EPHB1: variants seen among roughly 807,000 people sequenced by gnomAD.
EPHB1 encodes the protein ephrin type-B receptor 1.
In EPHB1, 30 loss-of-function variants were observed where a neutral mutation model predicts 94.4. The observed-to-expected ratio is 0.32, with a 90% CI of 0.24 to 0.43. EPHB1 has a LOEUF of 0.43. Among genes scored for constraint, EPHB1 ranks in the 20% least tolerant of loss-of-function variants. The pLI is 1.00. For synonymous variants in EPHB1, 522 were observed against 489.1 expected, an observed-to-expected ratio of 1.07 and a Z score of -0.89; for missense variants, 1,055 against 1,308.3, an observed-to-expected ratio of 0.81 and a Z score of 2.99.
chr3:135,034,703 C>T (rs1936589232), intron 3 of EPHB1, among the ~76,000 whole-genome samples: 1 of 152,238 alleles, frequency 6.6e-6, no homozygotes, highest in Non-Finnish European at 1.5e-5. Context: ...CCTGCCAAGG[C>T]AGCTGTCATG....
At chr3:135,046,637 A>C (rs570441760) in intron 3 of EPHB1, among the ~76,000 whole-genome samples, 100 of 152,316 alleles carry the variant, frequency 6.6e-4, no homozygotes, top group African/African-American at 2.3e-3. Context: ...GAGAAATACA[A>C]ATTCCCCAGT....
rs557020404 is a variant in EPHB1 at position 134,900,099 on chromosome 3, TC to T, written c.59-25716del. On this transcript the variant is annotated intron_variant, in intron 1 of 15. Coordinates refer to ENST00000398015, the MANE Select transcript of EPHB1 (RefSeq NM_004441.5). ...TGCAGTATATACTGAGGCTTTGGAT[TC>T]TTGAGCCTTGGTTTCTCCTTCTATA... 1.4e-4 allele frequency among the ~76,000 whole-genome samples: 21 copies of T among 152,294 alleles called. No homozygotes were observed. In the South Asian group the frequency reaches 4.1e-3, roughly 30 times the overall value.
intron 13 of EPHB1, among the ~76,000 whole-genome samples, chr3:135,244,133 C>T (rs1943863359): frequency 6.6e-6 from 1 of 152,206 alleles, no homozygotes; most frequent in African/African-American, 2.4e-5. Context: ...TCCCAGAGAG[C>T]ACCTGGGGTC....
intron 3 of EPHB1, among the ~76,000 whole-genome samples, chr3:135,056,602 C>T (rs1292204854): frequency 1.3e-5 from 2 of 152,246 alleles, no homozygotes; most frequent in African/African-American, 4.8e-5. Flanking sequence ...CACAACCAGG[C>T]AAATGTTAGA....
chr3:135,143,386 T>G (rs575967238), intron 5 of EPHB1, among the ~76,000 whole-genome samples: 6 of 152,238 alleles, frequency 3.9e-5, no homozygotes, highest in African/African-American at 1.4e-4. Flanking sequence ...TCACAGTGAC[T>G]GCAGGTGCAG....
intron 3 of EPHB1, among the ~76,000 whole-genome samples, chr3:134,988,743 T>C (rs1934693016): frequency 6.6e-6 from 1 of 152,252 alleles, no homozygotes; most frequent in Non-Finnish European, 1.5e-5. Context: ...ATTCTCTTTT[T>C]ATGAAATTCT....
chr3:135,119,570 A>G (rs1425645550), intron 4 of EPHB1, among the ~76,000 whole-genome samples: 1 of 152,028 alleles, frequency 6.6e-6, no homozygotes, highest in Non-Finnish European at 1.5e-5. Context: ...CTCCCACCTC[A>G]GCCTCCTGAG....
chr3:135,117,186 GT>G (rs1939754742), intron 4 of EPHB1, among the ~76,000 whole-genome samples: 1 of 151,720 alleles, frequency 6.6e-6, no homozygotes, highest in Non-Finnish European at 1.5e-5. Context: ...TCTGAATAAT[GT>G]ATGAAGTTAG....
Position 135,085,758 on chromosome 3 carries a change from C to T in EPHB1, c.806-20690C>T, listed in dbSNP as rs369050765. ...GTCTTTCCCAGGTGACTGGCATCCCCTGCCACATGTCCATCTCAGCATATT... is the reference window on the plus strand; with the variant it reads ...GTCTTTCCCAGGTGACTGGCATCCCTTGCCACATGTCCATCTCAGCATATT... On this transcript the variant is annotated intron_variant, in intron 3 of 15. Transcript: ENST00000398015. Among the ~76,000 whole-genome samples, 289 of 152,330 alleles carry T rather than the reference C, an allele frequency of 1.9e-3. 4 individuals are homozygous for T. Among genetic ancestry groups the T allele is most frequent in the African/African-American group, 6.7e-3 (280 of 41,588 alleles).
chr3:135,229,578 C>G (rs554401793), intron 12 of EPHB1, among the ~76,000 whole-genome samples: 1 of 152,126 alleles, frequency 6.6e-6, no homozygotes. Context: ...CAGCTGCTTA[C>G]CCCACATGAA....
intron 12 of EPHB1, among the ~76,000 whole-genome samples, chr3:135,211,190 T>C (rs758689900): frequency 6.6e-6 from 1 of 152,220 alleles, no homozygotes; most frequent in African/African-American, 2.4e-5. Context: ...AGAGACCACA[T>C]AATCATATCA....
rs1256142510 is a variant in EPHB1 at position 135,259,768 on chromosome 3, G to C, written c.*648G>C. The C allele has an allele frequency of 4.7e-6, 1 of 213,590 alleles. No homozygotes were observed. Among genetic ancestry groups the C allele is most frequent in the East Asian group, 7.0e-5 (1 of 14,388 alleles). The allele number at this position is 213,590 out of a possible 1,614,324, so 13.2% of individuals were successfully genotyped here. A position where few individuals can be genotyped will look rare whatever the true frequency, so the allele number is the denominator to read the frequency against. ...CAATTGAAAACCTCGTTTTTCTTTT[G>C]TTTGCATTTTCTGCAAAAAGGAAAA... On this transcript the variant is annotated 3_prime_UTR_variant, in exon 16 of 16. Transcript: ENST00000398015.
chr3:135,112,635 C>T (rs989819799), intron 4 of EPHB1, among the ~76,000 whole-genome samples: 9 of 147,374 alleles, frequency 6.1e-5, no homozygotes, highest in African/African-American at 1.0e-4. Flanking sequence ...TGAGGACATG[C>T]GGTGTTTGGT....
chr3:135,071,541 G>A (rs1385020884), intron 3 of EPHB1, among the ~76,000 whole-genome samples: 1 of 152,308 alleles, frequency 6.6e-6, no homozygotes, highest in Non-Finnish European at 1.5e-5. Context: ...ACTAGGATGT[G>A]TGAAGTCTTA....
chr3:134,814,495 T>C (rs866004953), intron 1 of EPHB1, among the ~76,000 whole-genome samples: 4 of 152,226 alleles, frequency 2.6e-5, no homozygotes, highest in Middle Eastern at 6.8e-3. Context: ...GAGTGGGCTA[T>C]GGTAACCAGG....
intron 10 of EPHB1, among the ~76,000 whole-genome samples, chr3:135,184,490 T>C (rs1942277178): frequency 6.6e-6 from 1 of 152,242 alleles, no homozygotes; most frequent in Non-Finnish European, 1.5e-5. Flanking sequence ...CTCAAAGTTC[T>C]ATGGGAGCAA....
chr3:134,865,069 C>CGTGT (rs56796182), intron 1 of EPHB1, among the ~76,000 whole-genome samples: 33 of 150,534 alleles, frequency 2.2e-4, no homozygotes, highest in African/African-American at 6.1e-4. Context: ...GTAAAACATA[C>CGTGT]GTGTGTGTGT....
chr3:134,874,377 T>C (rs140007115), intron 1 of EPHB1, among the ~76,000 whole-genome samples: 1,661 of 151,544 alleles, frequency 0.011, 24 homozygotes, highest in African/African-American at 0.033. Flanking sequence ...GGGTGGAGGG[T>C]GAGGGGAGAG....
intron 3 of EPHB1, among the ~76,000 whole-genome samples, chr3:135,006,861 C>T (rs892960032): frequency 6.6e-6 from 1 of 151,798 alleles, no homozygotes; most frequent in African/African-American, 2.4e-5. Flanking sequence ...AATGCTCGAA[C>T]CCATGAAGTA....
Sources: gnomAD v4.1 joint callset for allele counts (sites outside exome capture counted in the v4.1 genomes callset) on GRCh38, gnomAD v4.1.1 for gene constraint, MANE v1.5 for transcripts, NCBI Gene and HGNC (gene_info 2026-07-23, HGNC 2026-07-21) for gene names.